The following TMEM117 variants were observed in gnomAD, a reference collection of about 807,000 sequenced individuals.
TMEM117 encodes transmembrane protein 117.
Under a neutral mutation model 52.4 loss-of-function variants are expected in TMEM117, and 27 were observed. That is an observed-to-expected ratio of 0.51 (90% CI 0.38 to 0.71). The LOEUF (loss-of-function observed/expected upper bound fraction) is 0.71, where lower values mean the gene tolerates loss of function less well. Among genes scored for constraint, TMEM117 ranks in the 30% least tolerant of loss-of-function variants. The probability of loss-of-function intolerance (pLI) is 0.00; values close to 1 mark genes in which losing one functional copy is unlikely to be tolerated. For missense variants in TMEM117, 556 were observed against 630.5 expected, an observed-to-expected ratio of 0.88 and a Z score of 1.26; for synonymous variants, 215 against 206.3, an observed-to-expected ratio of 1.04 and a Z score of -0.36.
intron 3 of TMEM117, among the ~76,000 whole-genome samples, chr12:44,045,830 G>A (rs1017585125): frequency 3.3e-5 from 5 of 152,104 alleles, no homozygotes; most frequent in African/African-American, 4.8e-5. Context: ...GCGACCGTGC[G>A]AGACTCAAAA....
At chr12:44,313,300 G>T (rs1011132003) in intron 6 of TMEM117, among the ~76,000 whole-genome samples, 1 of 152,092 alleles carries the variant, frequency 6.6e-6, no homozygotes, top group Non-Finnish European at 1.5e-5. Flanking sequence ...GTGAAAAGTA[G>T]GGGGACAGTT....
chr12:43,801,679 T>A, the TMEM117 span, among the ~76,000 whole-genome samples: 28 of 152,258 alleles, frequency 1.8e-4, no homozygotes, highest in Admixed American at 2.6e-4. Flanking sequence ...CAATTATTAC[T>A]CTCAGGGCCA....
chr12:44,392,085 A>C (rs1952164273), downstream of TMEM117, among the ~76,000 whole-genome samples: 1 of 152,184 alleles, frequency 6.6e-6, no homozygotes, highest in Admixed American at 6.5e-5. Flanking sequence ...GTAATTAGTG[A>C]GTATAAATAT....
At chr12:44,133,614 T>A (rs1420335332) in intron 3 of TMEM117, among the ~76,000 whole-genome samples, 1 of 152,140 alleles carries the variant, frequency 6.6e-6, no homozygotes, top group African/African-American at 2.4e-5. Flanking sequence ...AGAGAAACTA[T>A]ATAATTAGTA....
At chr12:43,946,921 A>G (rs1423669756) in intron 3 of TMEM117, among the ~76,000 whole-genome samples, 1 of 152,094 alleles carries the variant, frequency 6.6e-6, no homozygotes, top group East Asian at 1.9e-4. Flanking sequence ...TAACTGTTGA[A>G]CTCTTCACCA....
Position 43,905,804 on chromosome 12 carries a change from C to G in TMEM117, c.278-38406C>G, listed in dbSNP as rs969787664. ...CTGAGTCTGATGACATCCTTATTTT[C>G]TGTTTCCTCCGTGTTGTGATCCTGT... On this transcript the variant is annotated intron_variant, in intron 2 of 7. Transcript: ENST00000266534. 5.3e-5 allele frequency among the ~76,000 whole-genome samples: 8 copies of G among 152,284 alleles called. No individual in the cohort carries two copies. In the South Asian group the frequency reaches 1.7e-3, roughly 32 times the overall value.
At chr12:43,893,836 G>A (rs974582219) in intron 2 of TMEM117, among the ~76,000 whole-genome samples, 3 of 152,136 alleles carry the variant, frequency 2.0e-5, no homozygotes, top group African/African-American at 4.8e-5. Context: ...TGAAGGACTC[G>A]GGTGCGTGAC....
the TMEM117 span, among the ~76,000 whole-genome samples, chr12:43,814,457 C>G: frequency 6.6e-6 from 1 of 152,158 alleles, no homozygotes; most frequent in Non-Finnish European, 1.5e-5. Context: ...CTCACCTAAC[C>G]CTGCTCGTCC....
intron 3 of TMEM117, among the ~76,000 whole-genome samples, chr12:44,090,216 A>G (rs1411702250): frequency 6.6e-6 from 1 of 152,032 alleles, no homozygotes; most frequent in Non-Finnish European, 1.5e-5. Context: ...CAGGGGGTAC[A>G]TGTGCAGGAT....
rs112780237 is a variant in TMEM117 at position 44,137,756 on chromosome 12, C to G, written c.411-5769C>G. Among the ~76,000 whole-genome samples, 5 of 152,212 alleles carry G rather than the reference C, an allele frequency of 3.3e-5. No homozygotes were observed. The South Asian group carries it at 1.0e-3, about 32-fold the overall frequency. On this transcript the variant is annotated intron_variant, in intron 3 of 7. Coordinates refer to ENST00000266534, the MANE Select transcript of TMEM117 (RefSeq NM_032256.3). The stretch of plus-strand genomic sequence containing the variant: ...CATTGCGAGAAGAGCACAAGAAAGA[C>G]CAGTCCCACTTATTCAACTACCTAC...
intron 5 of TMEM117, among the ~76,000 whole-genome samples, chr12:44,254,452 A>G (rs115939009): frequency 0.011 from 1,620 of 152,142 alleles, 11 homozygotes; most frequent in African/African-American, 0.018. Context: ...ATTTTCATCT[A>G]TCAAATTAGC....
At chr12:43,835,575 C>A (rs904379316), upstream of TMEM117, among the ~76,000 whole-genome samples, 1 of 152,166 alleles carries the variant, frequency 6.6e-6, no homozygotes, top group African/African-American at 2.4e-5. Context: ...CCCCCACATC[C>A]CCACACCACC....
At chr12:43,827,217 C>G in the TMEM117 span, among the ~76,000 whole-genome samples, 1 of 151,956 alleles carries the variant, frequency 6.6e-6, no homozygotes, top group Non-Finnish European at 1.5e-5. Flanking sequence ...TCTTGATGCT[C>G]TGATTCTACC....
At chr12:43,840,090 T>A (rs1943093917) in intron 1 of TMEM117, among the ~76,000 whole-genome samples, 2 of 152,302 alleles carry the variant, frequency 1.3e-5, no homozygotes, top group Middle Eastern at 3.4e-3. Flanking sequence ...TTTTTTTTTT[T>A]AATATCAGAT....
intron 2 of TMEM117, among the ~76,000 whole-genome samples, chr12:43,872,086 G>C (rs908598449): frequency 6.6e-6 from 1 of 152,282 alleles, no homozygotes; most frequent in East Asian, 1.9e-4. Context: ...TTAATTTGTA[G>C]AGATGGGGTC....
chr12:44,125,582 T>C (rs892149533), intron 3 of TMEM117, among the ~76,000 whole-genome samples: 2 of 152,214 alleles, frequency 1.3e-5, no homozygotes, highest in African/African-American at 4.8e-5. Context: ...CATTTCTGAT[T>C]GTATTTATTT....
intron 3 of TMEM117, among the ~76,000 whole-genome samples, chr12:43,991,001 G>T (rs1184042394): frequency 6.6e-6 from 1 of 152,136 alleles, no homozygotes; most frequent in Non-Finnish European, 1.5e-5. Context: ...CTTTGATTAG[G>T]TTTTCAGGGA....
At chr12:43,836,280 G>T (rs941176362) in intron 1 of TMEM117, 84 bp downstream of exon 1, 25 of 152,430 alleles carry the variant, frequency 1.6e-4, no homozygotes, top group African/African-American at 5.8e-4. Flanking sequence ...CCTGCCGCCC[G>T]TGTCCCGGCT....
intron 5 of TMEM117, among the ~76,000 whole-genome samples, chr12:44,214,069 T>C (rs1949681955): frequency 6.6e-6 from 1 of 151,934 alleles, no homozygotes; most frequent in Non-Finnish European, 1.5e-5. Flanking sequence ...AATCCATTAA[T>C]ATGATTTTTT....
Sources: gnomAD v4.1 joint callset for allele counts (sites outside exome capture counted in the v4.1 genomes callset) on GRCh38, gnomAD v4.1.1 for gene constraint, MANE v1.5 for transcripts, NCBI Gene and HGNC (gene_info 2026-07-23, HGNC 2026-07-21) for gene names.